Variants in COL11A1 observed in about 807,000 individuals in gnomAD.
The protein encoded by COL11A1 is collagen alpha-1(XI) chain.
A neutral mutation model predicts 265.2 loss-of-function variants in COL11A1; 74 were observed. The observed-to-expected ratio is 0.28, with a 90% CI of 0.23 to 0.34. The LOEUF is 0.34. COL11A1 is among the 10% of genes least tolerant of loss of function. The pLI is 1.00. For synonymous variants in COL11A1, 816 were observed against 727.6 expected (o/e 1.12, Z -1.96); for missense variants, 2,165 against 2,263.6 (o/e 0.96, Z 0.88).
chr1:103,025,704 A>G (rs1258896017), intron 6 of COL11A1, 91 bp from the exon 7 acceptor site: 1 of 1,564,030 alleles, frequency 6.4e-7, no homozygotes, highest in African/African-American at 1.4e-5. Context: ...AGTATTAGCC[A>G]AGTGAGTATT....
intron 4 of COL11A1, among the ~76,000 whole-genome samples, chr1:103,034,232 T>C (rs1668191798): frequency 6.6e-6 from 1 of 152,076 alleles, no homozygotes. Context: ...ACCATGTAGA[T>C]TAAGGTGTTT....
rs557959113 is a variant in COL11A1, at chr1:103,001,181, G to A, written c.2142+744C>T. The A allele has an allele frequency of 2.2e-4, 86 of 397,584 alleles. No homozygotes were observed. In the Middle Eastern group the frequency reaches 2.5e-3, roughly 12 times the overall value. The allele number at this position is 397,584 out of a possible 1,614,324, so 24.6% of individuals were successfully genotyped here. On this transcript the variant is annotated intron_variant, in intron 24 of 66. Transcript: ENST00000370096. ...ATTTCTGGAGTGGTATAAGTATTCC[G>A]AAACTTAGATTGCAGCACATCTGTA...
At chr1:103,096,053 T>C (rs560887873) in intron 1 of COL11A1, among the ~76,000 whole-genome samples, 9 of 152,014 alleles carry the variant, frequency 5.9e-5, no homozygotes, top group South Asian at 2.1e-4. Context: ...TTAAAAACCA[T>C]TGGAAGGTTA....
chr1:102,898,606 A>C, intron 56 of COL11A1, 60 bp downstream of exon 56: 1 of 1,428,306 alleles, frequency 7.0e-7, no homozygotes, highest in East Asian at 2.4e-5. Context: ...CTTCATTCAA[A>C]ATTTTTTTAA....
intron 37 of COL11A1, 82 bp from the exon 38 acceptor site, chr1:102,965,622 C>T (rs2101596014): frequency 8.7e-7 from 1 of 1,148,568 alleles, no homozygotes; most frequent in Admixed American, 1.8e-5. Flanking sequence ...CTGAATAAGT[C>T]ACATTAAAAG....
rs1392939055 is a variant in COL11A1 at position 103,002,089 on chromosome 1, C to T, written c.2098-120G>A. 4 of 855,270 alleles carry T rather than the reference C, an allele frequency of 4.7e-6. No individual in the cohort carries two copies. The East Asian group carries it at 7.8e-5, about 17-fold the overall frequency. 53.0% of individuals were successfully genotyped at this position (855,270 alleles called of 1,614,324 possible). On this transcript the variant is annotated intron_variant, in intron 23 of 66. Coordinates refer to ENST00000370096, the MANE Select transcript of COL11A1 (RefSeq NM_001854.4). ...AGTTATAAGAATCTGTATATATTCC[C>T]ATACACCCCAAGGAATTTTAGAACA...
At chr1:102,899,351 A>G (rs1652881784) in intron 54 of COL11A1, among the ~76,000 whole-genome samples, 1 of 152,156 alleles carries the variant, frequency 6.6e-6, no homozygotes, top group East Asian at 1.9e-4. Flanking sequence ...TAATATATCT[A>G]CTTGTATTCT....
intron 4 of COL11A1, among the ~76,000 whole-genome samples, chr1:103,035,315 T>C (rs1383722069): frequency 2.0e-5 from 3 of 152,030 alleles, no homozygotes; most frequent in Non-Finnish European, 4.4e-5. Flanking sequence ...TTTTGACATT[T>C]AATTTCTTAT....
At chr1:103,034,743 C>A (rs1025263281) in intron 4 of COL11A1, among the ~76,000 whole-genome samples, 1 of 149,296 alleles carries the variant, frequency 6.7e-6, no homozygotes, top group African/African-American at 2.4e-5. Context: ...CTTTGTATGG[C>A]ACTTAATTTT....
intron 41 of COL11A1, among the ~76,000 whole-genome samples, chr1:102,956,203 A>T (rs1190055044): frequency 6.6e-6 from 1 of 152,200 alleles, no homozygotes; most frequent in Admixed American, 6.5e-5. Flanking sequence ...GCTGCTTTTC[A>T]TAGATAAAAC....
chr1:102,885,640 T>TA (rs1209016651), intron 63 of COL11A1, among the ~76,000 whole-genome samples: 2 of 151,908 alleles, frequency 1.3e-5, no homozygotes, highest in East Asian at 3.9e-4. Context: ...TACAAGGAAA[T>TA]AAAAAAAATC....
intron 11 of COL11A1, among the ~76,000 whole-genome samples, chr1:103,016,981 A>G (rs1666619132): frequency 6.6e-6 from 1 of 152,010 alleles, no homozygotes; most frequent in South Asian, 2.1e-4. Context: ...ATTACAGAAT[A>G]TAAAAAGGTC....
At position 103,108,487 on chromosome 1, in the gene COL11A1, A is replaced by AGTACTGTG. The variant is rs1674894494; in HGVS notation, c.-317_-310dup. On this transcript the variant is annotated 5_prime_UTR_variant, in exon 1 of 67. The change abolishes the stop of an existing upstream ORF in the 5' untranslated region. Transcript: ENST00000370096. ...GAGGGGCTTCCACCAACAAGCTGAG[A>AGTACTGTG]GTACTGTGTGCCCCTAAAGGCTTCA... 2 of 593,238 alleles carry AGTACTGTG rather than the reference A, an allele frequency of 3.4e-6. No homozygotes were observed. The highest frequency in any genetic ancestry group is 6.0e-5 in the Admixed American group (2 of 33,336). The allele number at this position is 593,238 out of a possible 1,614,324, so 36.7% of individuals were successfully genotyped here. A position where few individuals can be genotyped will look rare whatever the true frequency, so the allele number is the denominator to read the frequency against.
At chr1:103,031,273 CAG>C (rs1667977108) in intron 4 of COL11A1, 29 bp from the exon 5 acceptor site, 10 of 1,591,662 alleles carry the variant, frequency 6.3e-6, no homozygotes, top group Non-Finnish European at 7.7e-6. Flanking sequence ...CAAAAACAAA[CAG>C]ACACAGATTC....
chr1:103,104,851 A>G (rs1275035938), intron 1 of COL11A1, among the ~76,000 whole-genome samples: 2 of 152,146 alleles, frequency 1.3e-5, no homozygotes, highest in East Asian at 3.9e-4. Flanking sequence ...TAAGGAACCA[A>G]ATGGACAAAT....
intron 26 of COL11A1, 150 bp downstream of exon 26, chr1:102,996,930 C>A: frequency 1.4e-6 from 1 of 692,978 alleles, no homozygotes; most frequent in South Asian, 1.7e-5. Flanking sequence ...TCTAAAATTA[C>A]TGATATAAAA....
rs557763754 is a variant in COL11A1 at position 102,967,787 on chromosome 1, A to T, written c.2863-2247T>A. ...ATATAAAGGCAATTCCAAACTTTTTAAAAAAGTCTTATAAAGCATTTTGTC... is the reference window on the plus strand; with the variant it reads ...ATATAAAGGCAATTCCAAACTTTTTTAAAAAGTCTTATAAAGCATTTTGTC... On this transcript the variant is annotated intron_variant, in intron 37 of 66. Coordinates refer to ENST00000370096, the MANE Select transcript of COL11A1 (RefSeq NM_001854.4). Among the ~76,000 whole-genome samples, 13 of 152,326 alleles carry T rather than the reference A, an allele frequency of 8.5e-5. 1 individual carries two copies. The highest frequency in any genetic ancestry group is 2.2e-4 in the African/African-American group (9 of 41,584).
At chr1:103,073,180 GT>G (rs1671715136) in intron 4 of COL11A1, among the ~76,000 whole-genome samples, 3 of 151,846 alleles carry the variant, frequency 2.0e-5, no homozygotes, top group African/African-American at 7.2e-5. Context: ...AAGAGCTGAA[GT>G]TACTCCAGGA....
intron 36 of COL11A1, among the ~76,000 whole-genome samples, chr1:102,970,800 G>A (rs556419772): frequency 8.6e-4 from 131 of 152,094 alleles, no homozygotes; most frequent in African/African-American, 3.0e-3. Context: ...AGGATCAAGA[G>A]GTCAGAGGAT....
Sources: gnomAD v4.1 joint callset for allele counts (sites outside exome capture counted in the v4.1 genomes callset) on GRCh38, gnomAD v4.1.1 for gene constraint, MANE v1.5 for transcripts, NCBI Gene and HGNC (gene_info 2026-07-23, HGNC 2026-07-21) for gene names.